Variants in IL17RD observed in about 807,000 individuals in gnomAD.
IL17RD encodes the protein interleukin 17 receptor D.
A neutral mutation model predicts 80.5 loss-of-function variants in IL17RD; 52 were observed. The observed-to-expected ratio is 0.65, with a 90% CI of 0.52 to 0.81. The LOEUF (loss-of-function observed/expected upper bound fraction) is 0.81, where lower values mean the gene tolerates loss of function less well. Among genes scored for constraint, IL17RD ranks in the 40% least tolerant of loss-of-function variants. IL17RD has a pLI of 0.00. For synonymous variants in IL17RD, 416 were observed against 391.8 expected, an observed-to-expected ratio of 1.06 and a Z score of -0.73; for missense variants, 1,024 against 955.1, an observed-to-expected ratio of 1.07 and a Z score of -0.95.
chr3:57,102,599 T>C lies in IL17RD; in HGVS notation c.869-10A>G. Reference sequence around the variant, plus strand: ...GCCCACGGGGAGTGCACTGGGAAATTTCAAAGGGAAAGTTTTTAAACTTAA... The same window carrying C: ...GCCCACGGGGAGTGCACTGGGAAATCTCAAAGGGAAAGTTTTTAAACTTAA... On this transcript the variant is annotated splice_polypyrimidine_tract_variant and intron_variant, in intron 9 of 12. Transcript: ENST00000296318. The C allele has an allele frequency of 2.1e-6, 3 of 1,427,622 alleles. No individual in the cohort carries two copies. The highest frequency in any genetic ancestry group is 2.9e-6 in the Non-Finnish European group (3 of 1,036,330). The allele number at this position is 1,427,622 out of a possible 1,614,324, so 88.4% of individuals were successfully genotyped here.
chr3:57,124,223 G>C (rs1707400510), intron 1 of IL17RD, among the ~76,000 whole-genome samples: 1 of 152,158 alleles, frequency 6.6e-6, no homozygotes, highest in Admixed American at 6.5e-5. Context: ...CTAGCCCATG[G>C]TGCACTTCTA....
At chr3:57,109,284 A>C (rs1707037428) in intron 5 of IL17RD, among the ~76,000 whole-genome samples, 1 of 152,046 alleles carries the variant, frequency 6.6e-6, no homozygotes, top group South Asian at 2.1e-4. Context: ...GAGTAGTGGG[A>C]TTACAGGCGC....
At chr3:57,163,009 T>C (rs1217000218) in intron 1 of IL17RD, among the ~76,000 whole-genome samples, 1 of 152,056 alleles carries the variant, frequency 6.6e-6, no homozygotes, top group Non-Finnish European at 1.5e-5. Context: ...GAAAAGCATG[T>C]CTTGGAAGCA....
rs1311509336 is a variant in IL17RD at position 57,101,272 on chromosome 3, C to T, written c.1071G>A (p.Lys357=). The T allele has an allele frequency of 1.9e-6, 3 of 1,613,528 alleles. No individual in the cohort carries two copies. In the South Asian group the frequency reaches 3.3e-5, roughly 18 times the overall value. Residue 357 remains lysine (K), a synonymous_variant, in exon 11 of 13, where the codon AAG becomes AAA. Coordinates refer to ENST00000296318, the MANE Select transcript of IL17RD (RefSeq NM_017563.5). ...CTTTACTGGAATAGCAGAGAAAGAC[C>T]TTCGGCCGCGGCCGGAGCCTCTCTC... is the stretch of plus-strand genomic sequence containing the variant. The part of the protein sequence containing the change: ...LPRERLRPRP[K]VFLCYSSKDG...
intron 7 of IL17RD, among the ~76,000 whole-genome samples, chr3:57,105,618 C>G (rs1706944453): frequency 6.8e-6 from 1 of 146,200 alleles, no homozygotes; most frequent in African/African-American, 2.5e-5. Context: ...CTTGTTTATT[C>G]CTTGGCAATA....
At chr3:57,127,056 C>T (rs921632760) in intron 1 of IL17RD, among the ~76,000 whole-genome samples, 6 of 150,550 alleles carry the variant, frequency 4.0e-5, no homozygotes, top group African/African-American at 1.5e-4. Context: ...AACTCCTGAC[C>T]TCAGGTGATC....
At chr3:57,163,565 C>T (rs1448982310) in intron 1 of IL17RD, among the ~76,000 whole-genome samples, 2 of 151,980 alleles carry the variant, frequency 1.3e-5, no homozygotes, top group Non-Finnish European at 2.9e-5. Flanking sequence ...CAAAATAAAA[C>T]GCCTGTGATA....
chr3:57,096,616 A>G (rs996072925), intron 12 of IL17RD, 111 bp from the exon 13 acceptor site: 9 of 509,000 alleles, frequency 1.8e-5, no homozygotes, highest in Non-Finnish European at 3.0e-5. Flanking sequence ...GGCTCTGTAT[A>G]AACGAGGCAA....
chr3:57,148,200 C>G (rs903290364), intron 1 of IL17RD, among the ~76,000 whole-genome samples: 1 of 151,400 alleles, frequency 6.6e-6, no homozygotes, highest in Non-Finnish European at 1.5e-5. Context: ...TGGCGCACGC[C>G]TGTAATCTCA....
chr3:57,165,059 A>C, intron 1 of IL17RD, 102 bp downstream of exon 1: 1 of 1,361,124 alleles, frequency 7.3e-7, no homozygotes. Flanking sequence ...GACCCCGCGA[A>C]GAGCAGACAG....
At chr3:57,115,472 C>T (rs1707196448) in intron 2 of IL17RD, among the ~76,000 whole-genome samples, 1 of 152,318 alleles carries the variant, frequency 6.6e-6, no homozygotes, top group Non-Finnish European at 1.5e-5. Context: ...ACTCAAAAAA[C>T]AGAAGCCACA....
upstream of IL17RD, among the ~76,000 whole-genome samples, chr3:57,166,235 C>A (rs905249021): frequency 6.6e-6 from 1 of 152,170 alleles, no homozygotes; most frequent in African/African-American, 2.4e-5. Context: ...TCTCCACTAC[C>A]CCCTTCCTCA....
intron 8 of IL17RD, 43 bp from the exon 9 acceptor site, chr3:57,103,188 A>G: frequency 1.3e-6 from 2 of 1,510,770 alleles, no homozygotes; most frequent in East Asian, 4.6e-5. Context: ...TTAAAGTGAT[A>G]TATACCAGGT....
At chr3:57,143,668 A>G (rs891537341) in intron 1 of IL17RD, among the ~76,000 whole-genome samples, 3 of 152,340 alleles carry the variant, frequency 2.0e-5, no homozygotes. Flanking sequence ...GTGTGAGAGG[A>G]ATATCTGTAC....
chr3:57,124,128 A>G (rs6799745), intron 1 of IL17RD, among the ~76,000 whole-genome samples: 200 of 152,318 alleles, frequency 1.3e-3, no homozygotes, highest in African/African-American at 4.4e-3. Flanking sequence ...CAGATGCTCT[A>G]TAAGGCTGTC....
At chr3:57,152,130 C>T (rs1300470217) in intron 1 of IL17RD, among the ~76,000 whole-genome samples, 5 of 152,144 alleles carry the variant, frequency 3.3e-5, no homozygotes, top group Non-Finnish European at 7.3e-5. Flanking sequence ...GCCATAGAAA[C>T]AAGAACTCTC....
Sources: allele counts gnomAD v4.1 joint callset (sites outside exome capture counted in the v4.1 genomes callset), GRCh38; gene constraint gnomAD v4.1.1; transcripts MANE v1.5; gene names NCBI Gene and HGNC (gene_info 2026-07-23, HGNC 2026-07-21).